The following AFF1 variants were observed in gnomAD, a reference collection of about 807,000 sequenced individuals.
AFF1 encodes the protein ALF transcription elongation factor 1.
AFF1 carries 48 observed loss-of-function variants against 121.7 expected under a neutral mutation model. The ratio of observed to expected loss-of-function variants is 0.39; its 90% CI spans 0.31 to 0.50. The LOEUF (loss-of-function observed/expected upper bound fraction) is 0.50, where lower values mean the gene tolerates loss of function less well. AFF1 is among the 20% of genes least tolerant of loss of function. AFF1 has a pLI of 0.76. For synonymous variants in AFF1, 613 were observed against 563.0 expected, an observed-to-expected ratio of 1.09 and a Z score of -1.26; for missense variants, 1,523 against 1,511.7, an observed-to-expected ratio of 1.01 and a Z score of -0.12.
chr4:87,081,550 A>C (rs1358312942), intron 4 of AFF1, among the ~76,000 whole-genome samples: 3 of 152,224 alleles, frequency 2.0e-5, no homozygotes, highest in African/African-American at 7.2e-5. Context: ...TCTGCATGCC[A>C]TACCATTGTA....
chr4:86,955,903 C>A (rs55851914), intron 2 of AFF1, among the ~76,000 whole-genome samples: 22,211 of 152,072 alleles, frequency 0.15, 2,090 homozygotes, highest in East Asian at 0.31. Flanking sequence ...GTTTAACTCT[C>A]CTAATTGAGA....
intron 2 of AFF1, among the ~76,000 whole-genome samples, chr4:87,000,401 T>C (rs1725596903): frequency 6.6e-6 from 1 of 152,202 alleles, no homozygotes; most frequent in South Asian, 2.1e-4. Flanking sequence ...AAAGATGTCA[T>C]TGATGGAAAA....
At position 87,115,092 on chromosome 4, in the gene AFF1, C is replaced by G; in HGVS notation, c.2259C>G (p.Thr753=). ...KDRLPLPLRD[T]KLLSPLRDTP... ...GACTCCCATTGCCTTTGAGAGACACCAAGCTGCTCTCACCGCTCAGGGACA... is the reference window on the plus strand; with the variant it reads ...GACTCCCATTGCCTTTGAGAGACACGAAGCTGCTCTCACCGCTCAGGGACA... The change falls in exon 12 of 21, where the codon ACC becomes ACG. Residue 753 remains threonine (T), a synonymous_variant. Coordinates refer to ENST00000395146, the MANE Select transcript of AFF1 (RefSeq NM_001166693.3). The G allele has an allele frequency of 1.2e-6, 2 of 1,614,160 alleles. No homozygotes were observed. The highest frequency in any genetic ancestry group is 2.2e-5 in the East Asian group (1 of 44,862).
At chr4:87,022,173 C>G (rs1222727915) in intron 2 of AFF1, among the ~76,000 whole-genome samples, 2 of 131,244 alleles carry the variant, frequency 1.5e-5, no homozygotes, top group African/African-American at 3.0e-5. Context: ...CCACTGCACT[C>G]TGGCCTGGGC....
At chr4:87,009,981 TTTG>T (rs1489302761) in intron 2 of AFF1, among the ~76,000 whole-genome samples, 1 of 152,238 alleles carries the variant, frequency 6.6e-6, no homozygotes, top group African/African-American at 2.4e-5. Context: ...TGATTCCTGA[TTTG>T]TTATTGATGG....
Position 87,127,061 on chromosome 4 carries a change from G to A in AFF1, c.2847G>A (p.Val949=), listed in dbSNP as rs1239753846. ...GAGATACTGCAAATCCTTTTCCAGT[G>A]CCTTCTTTGCCAAATGGTAACTCTA... is the stretch of plus-strand genomic sequence containing the variant. ...SSGDTANPFP[V]PSLPNGNSKP... is the part of the protein sequence containing the mutation. The change falls in exon 15 of 21, where the codon GTG becomes GTA. Residue 949 remains valine (V), a synonymous_variant. Coordinates refer to ENST00000395146, the MANE Select transcript of AFF1 (RefSeq NM_001166693.3). 3 of 1,613,284 alleles carry A rather than the reference G, an allele frequency of 1.9e-6. No individual in the cohort carries two copies. Among genetic ancestry groups the A allele is most frequent in the South Asian group, 1.1e-5 (1 of 91,052 alleles).
At chr4:86,975,197 G>A (rs981222192) in intron 2 of AFF1, among the ~76,000 whole-genome samples, 2 of 151,822 alleles carry the variant, frequency 1.3e-5, no homozygotes, top group South Asian at 2.1e-4. Flanking sequence ...GGTCCCTTCC[G>A]ACACTACTTT....
At chr4:87,095,683 TTTA>T (rs1237381515) in intron 8 of AFF1, among the ~76,000 whole-genome samples, 2 of 152,234 alleles carry the variant, frequency 1.3e-5, no homozygotes, top group African/African-American at 2.4e-5. Flanking sequence ...CCAGCTATTC[TTTA>T]TTAAGGCCAG....
At chr4:87,095,054 C>A in intron 8 of AFF1, 85 bp downstream of exon 8, 1 of 1,295,890 alleles carries the variant, frequency 7.7e-7, no homozygotes, top group Non-Finnish European at 1.1e-6. Context: ...GATTTTTCTG[C>A]CTTTATGTAA....
intron 2 of AFF1, among the ~76,000 whole-genome samples, chr4:87,002,753 T>C (rs780391853): frequency 1.3e-5 from 2 of 151,962 alleles, no homozygotes; most frequent in African/African-American, 2.4e-5. Flanking sequence ...ATTTGTAGGG[T>C]AAATTGGGTC....
At chr4:87,040,627 C>T (rs1050132217) in intron 2 of AFF1, among the ~76,000 whole-genome samples, 2 of 150,860 alleles carry the variant, frequency 1.3e-5, no homozygotes, top group Non-Finnish European at 2.9e-5. Flanking sequence ...AGTACAGTGG[C>T]GCAATCTCGG....
At chr4:87,089,667 G>A (rs1724098492) in intron 5 of AFF1, among the ~76,000 whole-genome samples, 1 of 152,200 alleles carries the variant, frequency 6.6e-6, no homozygotes, top group South Asian at 2.1e-4. Flanking sequence ...AGTCTTCACA[G>A]CTCCACAAGC....
intron 4 of AFF1, among the ~76,000 whole-genome samples, chr4:87,069,469 G>A (rs573933256): frequency 2.1e-3 from 271 of 126,790 alleles, no homozygotes; most frequent in East Asian, 5.2e-3. Context: ...CCTCCCTCTC[G>A]TCTCTCTTCC....
chr4:87,051,563 C>T (rs7676368), intron 4 of AFF1, among the ~76,000 whole-genome samples: 6,426 of 152,036 alleles, frequency 0.042, 438 homozygotes, highest in African/African-American at 0.15. Flanking sequence ...CGGGTTCAAG[C>T]GATCCTCCTG....
At chr4:87,123,406 G>A (rs1210268635) in intron 12 of AFF1, among the ~76,000 whole-genome samples, 1 of 152,208 alleles carries the variant, frequency 6.6e-6, no homozygotes, top group East Asian at 1.9e-4. Context: ...GTAGCATGCA[G>A]GACAGTGAGA....
intron 2 of AFF1, among the ~76,000 whole-genome samples, chr4:86,985,072 T>G (rs1193030126): frequency 1.4e-5 from 2 of 148,096 alleles, no homozygotes; most frequent in African/African-American, 5.0e-5. Context: ...AATCCTAAAT[T>G]TAATAGAAAA....
chr4:87,101,736 GAA>G (rs757512675), intron 8 of AFF1, among the ~76,000 whole-genome samples: 5 of 152,142 alleles, frequency 3.3e-5, no homozygotes, highest in Non-Finnish European at 7.4e-5. Context: ...AGTGGTTCCC[GAA>G]AAGTGTTACT....
At chr4:87,095,389 G>GATT (rs1724732867) in intron 8 of AFF1, among the ~76,000 whole-genome samples, 1 of 152,208 alleles carries the variant, frequency 6.6e-6, no homozygotes, top group African/African-American at 2.4e-5. Context: ...AAAGTGTTGG[G>GATT]ATTACAGGCG....
At chr4:87,065,656 A>G (rs1164712217) in intron 4 of AFF1, among the ~76,000 whole-genome samples, 1 of 152,222 alleles carries the variant, frequency 6.6e-6, no homozygotes, top group African/African-American at 2.4e-5. Context: ...CATGGAGGAA[A>G]GACTGGTTAA....
Sources: allele counts gnomAD v4.1 joint callset (sites outside exome capture counted in the v4.1 genomes callset), GRCh38; gene constraint gnomAD v4.1.1; transcripts MANE v1.5; gene names NCBI Gene and HGNC (gene_info 2026-07-23, HGNC 2026-07-21).